The following CD44 variants were observed in gnomAD, a reference collection of about 807,000 sequenced individuals.
CD44 encodes CD44 molecule (IN blood group).
CD44 carries 49 observed loss-of-function variants against 88.8 expected under a neutral mutation model. The ratio of observed to expected loss-of-function variants is 0.55; its 90% CI spans 0.44 to 0.70. The LOEUF (loss-of-function observed/expected upper bound fraction) is 0.70, where lower values mean the gene tolerates loss of function less well. Among genes scored for constraint, CD44 ranks in the 30% least tolerant of loss-of-function variants. The probability of loss-of-function intolerance (pLI) is 0.00; values close to 1 mark genes in which losing one functional copy is unlikely to be tolerated. For missense variants in CD44, 883 were observed against 913.8 expected (o/e 0.97, Z 0.43); for synonymous variants, 325 against 312.3 (o/e 1.04, Z -0.43).
intron 3 of CD44, 106 bp downstream of exon 3, chr11:35,180,513 G>A (rs1944885530): frequency 1.6e-6 from 2 of 1,236,698 alleles, no homozygotes; most frequent in South Asian, 1.3e-5. Flanking sequence ...CATAACAAAT[G>A]CTCACTGAAT....
chr11:35,156,427 A>G (rs1325909928), intron 1 of CD44, among the ~76,000 whole-genome samples: 3 of 152,234 alleles, frequency 2.0e-5, no homozygotes, highest in Non-Finnish European at 4.4e-5. Context: ...CTTAGGCAGG[A>G]AGGGTGCCGG....
chr11:35,166,745 C>T lies in CD44; in HGVS notation c.68-9830C>T, dbSNP rs999309076. Among the ~76,000 whole-genome samples the T allele has an allele frequency of 2.6e-5, 4 of 152,222 alleles. No homozygotes were observed. The East Asian group carries it at 5.8e-4, about 22-fold the overall frequency. ...TGATGAATAGCTCAGTTGAAAGCAA[C>T]CCAGGGCACATTCTGGAGGAAATTC... On this transcript the variant is annotated intron_variant, in intron 1 of 17. Transcript: ENST00000428726.
intron 1 of CD44, among the ~76,000 whole-genome samples, chr11:35,172,689 C>G (rs1162596121): frequency 6.6e-6 from 1 of 152,084 alleles, no homozygotes; most frequent in African/African-American, 2.4e-5. Context: ...CATTCTTCCA[C>G]CTAAGCTTCA....
intron 1 of CD44, among the ~76,000 whole-genome samples, chr11:35,151,800 G>C (rs1860377544): frequency 6.6e-6 from 1 of 152,198 alleles, no homozygotes; most frequent in Non-Finnish European, 1.5e-5. Flanking sequence ...CAGTAAAAAA[G>C]CAGTCTCTTG....
intron 1 of CD44, among the ~76,000 whole-genome samples, chr11:35,143,675 G>C (rs889378289): frequency 1.3e-5 from 2 of 152,172 alleles, no homozygotes; most frequent in African/African-American, 2.4e-5. Context: ...TCTTGCATGG[G>C]TGGCTTCTCT....
chr11:35,157,240 C>T (rs371003331), intron 1 of CD44, among the ~76,000 whole-genome samples: 1 of 152,032 alleles, frequency 6.6e-6, no homozygotes, highest in Non-Finnish European at 1.5e-5. Flanking sequence ...TGTGACTTAC[C>T]ATGGTGGATG....
At position 35,189,967 on chromosome 11, in the gene CD44, CAGG is replaced by C; in HGVS notation, c.573_575del (p.Gly192del). 1 of 1,614,192 alleles carries C rather than the reference CAGG, an allele frequency of 6.2e-7. No individual in the cohort carries two copies. ...TCCTCCAGTGAAAGGAGCAGCACTT[CAGG>C]AGGTTACATCTTTTACACCTTTTCT... On this transcript the variant is annotated inframe_deletion, in exon 5 of 18. Coordinates refer to ENST00000428726, the MANE Select transcript of CD44 (RefSeq NM_000610.4).
chr11:35,143,452 T>G (rs1020478198), intron 1 of CD44, among the ~76,000 whole-genome samples: 2 of 151,752 alleles, frequency 1.3e-5, no homozygotes, highest in African/African-American at 4.8e-5. Flanking sequence ...TCTCTTTAAC[T>G]CCATTTTCTA....
Position 35,231,670 on chromosome 11 carries a change from T to C in CD44, c.*2337T>C, listed in dbSNP as rs942040680. 1 of 152,134 alleles carries C rather than the reference T, an allele frequency of 6.6e-6. No individual in the cohort carries two copies. The highest frequency in any genetic ancestry group is 1.5e-5 in the Non-Finnish European group (1 of 68,022). 9.4% of individuals were successfully genotyped at this position (152,134 alleles called of 1,614,324 possible). ...TGCCTGAAGTTTATGGAATAAGATG[T>C]ATTCTCACTCCCTTGATCTCAAGGG... On this transcript the variant is annotated 3_prime_UTR_variant, in exon 18 of 18. Coordinates refer to ENST00000428726, the MANE Select transcript of CD44 (RefSeq NM_000610.4).
At chr11:35,148,142 C>T (rs1407445265) in intron 1 of CD44, among the ~76,000 whole-genome samples, 1 of 152,040 alleles carries the variant, frequency 6.6e-6, no homozygotes, top group Non-Finnish European at 1.5e-5. Flanking sequence ...GCAGCCAACA[C>T]CTGGTCTCCT....
intron 15 of CD44, among the ~76,000 whole-genome samples, chr11:35,217,921 G>A (rs928540846): frequency 6.6e-6 from 1 of 152,044 alleles, no homozygotes; most frequent in African/African-American, 2.4e-5. Flanking sequence ...TGTCTTAGAA[G>A]TTTCTTTTTT....
chr11:35,221,627 G>T (rs368279051), intron 16 of CD44, 27 bp from the exon 17 acceptor site: 1 of 1,588,084 alleles, frequency 6.3e-7, no homozygotes, highest in Non-Finnish European at 8.6e-7. Flanking sequence ...TGAAGCTCAC[G>T]CATGTCATTT....
Position 35,221,724 on chromosome 11 carries a change from T to C in CD44, c.2016T>C (p.Ser672=), listed in dbSNP as rs143143310. The change falls in exon 17 of 18, where the codon AGT becomes AGC. Residue 672 remains serine, a synonymous_variant. Transcript: ENST00000428726. ...LILAVCIAVN[S]RRRCGQKKKL... is the part of the protein sequence containing the mutation. ...TTGCAGTTTGCATTGCAGTCAACAG[T>C]CGAAGAAGGTAAGGGGCTGTCCTGG... is the stretch of plus-strand genomic sequence containing the variant. The C allele has an allele frequency of 5.7e-5, 92 of 1,613,982 alleles. 1 individual carries two copies. In the African/African-American group the frequency reaches 1.1e-3, roughly 19 times the overall value.
At chr11:35,212,078 T>C (rs1405762204) in intron 14 of CD44, among the ~76,000 whole-genome samples, 1 of 152,170 alleles carries the variant, frequency 6.6e-6, no homozygotes, top group Non-Finnish European at 1.5e-5. Context: ...ACGAAGATAA[T>C]TTATTCAATG....
chr11:35,181,934 A>AG lies in CD44; in HGVS notation c.367+1527_367+1528insG, dbSNP rs1491126504. Among the ~76,000 whole-genome samples, 599 of 66,014 alleles carry AG rather than the reference A, an allele frequency of 9.1e-3. 33 individuals carry two copies. The highest frequency in any genetic ancestry group is 0.032 in the African/African-American group (559 of 17,438). 43.3% of individuals were successfully genotyped at this position (66,014 alleles called of 152,430 possible). On this transcript the variant is annotated intron_variant, in intron 3 of 17. Transcript: ENST00000428726. The stretch of plus-strand genomic sequence containing the variant: ...ATATATTATATATTATATTATATAT[A>AG]AATTATATATAATATATATAAATTT...
chr11:35,187,600 CTTAAATGTA>C (rs1245999485), intron 4 of CD44, among the ~76,000 whole-genome samples: 11 of 152,076 alleles, frequency 7.2e-5, no homozygotes, highest in Non-Finnish European at 1.2e-4. Flanking sequence ...TAATAATAAA[CTTAAATGTA>C]AGAAAAATTA....
intron 13 of CD44, 146 bp downstream of exon 13, chr11:35,210,200 C>T (rs1948264942): frequency 1.9e-6 from 1 of 513,062 alleles, no homozygotes; most frequent in East Asian, 3.4e-5. Flanking sequence ...GGTGGTGGTT[C>T]TCTGATTTTT....
At chr11:35,218,550 A>G (rs1456878587) in intron 15 of CD44, among the ~76,000 whole-genome samples, 2 of 145,690 alleles carry the variant, frequency 1.4e-5, no homozygotes, top group African/African-American at 2.4e-5. Context: ...GTTGATCTCA[A>G]TCTCTTGACC....
intron 1 of CD44, among the ~76,000 whole-genome samples, chr11:35,152,694 T>A (rs138125835): frequency 6.6e-6 from 1 of 152,270 alleles, no homozygotes; most frequent in Non-Finnish European, 1.5e-5. Flanking sequence ...CTGTATTCTT[T>A]GGAATGCTCA....
Sources: gnomAD v4.1 joint callset for allele counts (sites outside exome capture counted in the v4.1 genomes callset) on GRCh38, gnomAD v4.1.1 for gene constraint, MANE v1.5 for transcripts, NCBI Gene and HGNC (gene_info 2026-07-23, HGNC 2026-07-21) for gene names.